ADAM23: variants seen among roughly 807,000 people sequenced by gnomAD.
The protein encoded by ADAM23 is disintegrin and metalloproteinase domain-containing protein 23.
ADAM23 carries 33 observed loss-of-function variants against 120.1 expected under a neutral mutation model. That is an observed-to-expected ratio of 0.27 (90% CI 0.21 to 0.37). The LOEUF (loss-of-function observed/expected upper bound fraction) is 0.37. Among genes scored for constraint, ADAM23 ranks in the 10% least tolerant of loss-of-function variants. ADAM23 has a pLI of 1.00. For missense variants in ADAM23, 862 were observed against 1,058.2 expected, an observed-to-expected ratio of 0.81 and a Z score of 2.57; for synonymous variants, 367 against 375.2, an observed-to-expected ratio of 0.98 and a Z score of 0.25.
intron 3 of ADAM23, among the ~76,000 whole-genome samples, chr2:206,486,948 G>A (rs1055140343): frequency 6.6e-6 from 1 of 152,034 alleles, no homozygotes; most frequent in Non-Finnish European, 1.5e-5. Context: ...ATGCATTCGC[G>A]TCCTGGACAT....
In ADAM23 at chr2:206,542,036, G is replaced by A. The variant is rs780983131; in HGVS notation, c.574-16G>A. ...AATGCATAAAATACAACCAATCAAT[G>A]AAACCTGCTTTCCAGGGTGGAGAGC... On this transcript the variant is annotated splice_polypyrimidine_tract_variant and intron_variant, in intron 4 of 25. Coordinates refer to ENST00000264377, the MANE Select transcript of ADAM23 (RefSeq NM_003812.4). 4 of 1,613,586 alleles carry A rather than the reference G, an allele frequency of 2.5e-6. No homozygotes were observed. Among genetic ancestry groups the A allele is most frequent in the Non-Finnish European group, 3.4e-6 (4 of 1,179,698 alleles).
chr2:206,516,764 G>A (rs1696740648), intron 3 of ADAM23, among the ~76,000 whole-genome samples: 4 of 152,040 alleles, frequency 2.6e-5, no homozygotes, highest in East Asian at 1.9e-4. Flanking sequence ...TCAGCTATTC[G>A]TGCTGTGTCA....
intron 2 of ADAM23, among the ~76,000 whole-genome samples, chr2:206,457,522 T>A: frequency 6.6e-6 from 1 of 152,216 alleles, no homozygotes; most frequent in East Asian, 1.9e-4. Flanking sequence ...ACTATATGCA[T>A]GTGTACACAC....
intron 9 of ADAM23, among the ~76,000 whole-genome samples, chr2:206,555,115 T>A (rs1473422240): frequency 6.6e-6 from 1 of 152,170 alleles, no homozygotes; most frequent in Non-Finnish European, 1.5e-5. Context: ...GGATCATGAC[T>A]TTAAACTCGT....
At chr2:206,448,471 C>T (rs180893974) in intron 2 of ADAM23, among the ~76,000 whole-genome samples, 13 of 150,352 alleles carry the variant, frequency 8.6e-5, no homozygotes, top group East Asian at 3.9e-4. Flanking sequence ...TACACAGCTT[C>T]GAAGACCGTT....
intron 2 of ADAM23, among the ~76,000 whole-genome samples, chr2:206,478,196 AAG>A (rs980993043): frequency 5.9e-5 from 9 of 152,100 alleles, no homozygotes; most frequent in African/African-American, 1.7e-4. Context: ...TAGCAATGGA[AAG>A]AGAAACAGAA....
At chr2:206,532,928 C>T (rs1254224719) in intron 4 of ADAM23, among the ~76,000 whole-genome samples, 2 of 151,936 alleles carry the variant, frequency 1.3e-5, no homozygotes, top group Non-Finnish European at 2.9e-5. Context: ...TTTTCTGGGT[C>T]AAAGAGTTGG....
intron 3 of ADAM23, among the ~76,000 whole-genome samples, chr2:206,529,783 A>T (rs1188059872): frequency 6.6e-6 from 1 of 152,036 alleles, no homozygotes; most frequent in East Asian, 1.9e-4. Flanking sequence ...TCTGCAAGTT[A>T]AGAATGTTTA....
chr2:206,463,154 TGTGA>T (rs1695460494), intron 2 of ADAM23, among the ~76,000 whole-genome samples: 1 of 152,200 alleles, frequency 6.6e-6, no homozygotes, highest in Non-Finnish European at 1.5e-5. Context: ...CTCCAACACC[TGTGA>T]ATATGTTCTC....
chr2:206,531,551 G>A (rs1026356614), intron 4 of ADAM23, among the ~76,000 whole-genome samples: 1 of 152,144 alleles, frequency 6.6e-6, no homozygotes, highest in African/African-American at 2.4e-5. Flanking sequence ...CTTCAGGGAG[G>A]ATTAATAAAG....
At chr2:206,496,321 C>G (rs1696246755) in intron 3 of ADAM23, among the ~76,000 whole-genome samples, 1 of 152,134 alleles carries the variant, frequency 6.6e-6, no homozygotes, top group East Asian at 1.9e-4. Flanking sequence ...ACAGTGCAAT[C>G]AAACTAGAAC....
chr2:206,563,524 G>A (rs1337956393), intron 13 of ADAM23, among the ~76,000 whole-genome samples: 4 of 152,084 alleles, frequency 2.6e-5, no homozygotes, highest in East Asian at 1.9e-4. Flanking sequence ...TAAAGGAAGT[G>A]TTTAGAGTTT....
intron 3 of ADAM23, among the ~76,000 whole-genome samples, chr2:206,508,037 C>CT (rs3216681): frequency 1.0e-4 from 15 of 149,396 alleles, no homozygotes; most frequent in Admixed American, 3.3e-4. Flanking sequence ...GCCTAGTTCA[C>CT]TTTTTTTTTT....
intron 18 of ADAM23, among the ~76,000 whole-genome samples, chr2:206,586,921 G>A (rs1407520215): frequency 2.6e-5 from 4 of 152,172 alleles, no homozygotes; most frequent in African/African-American, 4.8e-5. Flanking sequence ...ATGTCATGAT[G>A]TCAAATGCAG....
intron 2 of ADAM23, among the ~76,000 whole-genome samples, chr2:206,461,088 A>T: frequency 7.8e-6 from 1 of 128,168 alleles, no homozygotes; most frequent in African/African-American, 3.1e-5. Flanking sequence ...TTTGAGATGG[A>T]GTCTCCCTCT....
chr2:206,605,893 G>A (rs199697950), intron 24 of ADAM23: 6 of 659,654 alleles, frequency 9.1e-6, no homozygotes, highest in Non-Finnish European at 2.7e-6. Flanking sequence ...AAGCATCCTT[G>A]CCAGTTTCAG....
intron 3 of ADAM23, among the ~76,000 whole-genome samples, chr2:206,510,210 T>C (rs2105899713): frequency 6.6e-6 from 1 of 152,330 alleles, no homozygotes; most frequent in South Asian, 2.1e-4. Context: ...GCACCTTCTT[T>C]TGGGGCTTAA....
intron 2 of ADAM23, among the ~76,000 whole-genome samples, chr2:206,472,026 A>G (rs980444608): frequency 1.3e-5 from 2 of 152,212 alleles, no homozygotes; most frequent in African/African-American, 4.8e-5. Context: ...AACATTAATC[A>G]CTAACAGTAA....
chr2:206,576,747 G>A (rs896043900), intron 18 of ADAM23, among the ~76,000 whole-genome samples: 3 of 151,958 alleles, frequency 2.0e-5, no homozygotes, highest in African/African-American at 7.3e-5. Context: ...ATTTACTGAT[G>A]CCTCAGAGCT....
Sources: allele counts gnomAD v4.1 joint callset (sites outside exome capture counted in the v4.1 genomes callset), GRCh38; gene constraint gnomAD v4.1.1; transcripts MANE v1.5; gene names NCBI Gene and HGNC (gene_info 2026-07-23, HGNC 2026-07-21).